SCFD2: variants seen among roughly 807,000 people sequenced by gnomAD.
SCFD2 encodes sec1 family domain-containing protein 2.
A neutral mutation model predicts 58.9 loss-of-function variants in SCFD2; 54 were observed. That is an observed-to-expected ratio of 0.92 (90% CI 0.74 to 1.15). SCFD2 has a LOEUF of 1.15. Ranked by LOEUF, SCFD2 falls within the 50% of genes most tolerant of loss-of-function variation. The pLI is 0.00. For synonymous variants in SCFD2, 321 were observed against 335.9 expected, an observed-to-expected ratio of 0.96 and a Z score of 0.49; for missense variants, 805 against 836.6, an observed-to-expected ratio of 0.96 and a Z score of 0.47.
At chr4:53,178,661 C>T (rs562978548) in intron 4 of SCFD2, among the ~76,000 whole-genome samples, 3 of 152,268 alleles carry the variant, frequency 2.0e-5, no homozygotes, top group South Asian at 2.1e-4. Flanking sequence ...ATGACTTTGA[C>T]GAGTTGAGAG....
intron 5 of SCFD2, among the ~76,000 whole-genome samples, chr4:53,003,938 G>C (rs1415984033): frequency 6.6e-6 from 1 of 152,210 alleles, no homozygotes; most frequent in Admixed American, 6.5e-5. Flanking sequence ...ATTCTCATTA[G>C]GAGGATGTAA....
chr4:52,920,701 T>G, intron 6 of SCFD2, 24 bp downstream of exon 6: 1 of 1,523,378 alleles, frequency 6.6e-7, no homozygotes, highest in Non-Finnish European at 8.9e-7. Flanking sequence ...GATTAGAAGG[T>G]TACTTTAAAA....
intron 2 of SCFD2, among the ~76,000 whole-genome samples, chr4:53,326,572 T>C (rs1733205635): frequency 6.6e-6 from 1 of 152,182 alleles, no homozygotes; most frequent in Non-Finnish European, 1.5e-5. Flanking sequence ...GATATTCCTC[T>C]TAAAATCAGA....
intron 4 of SCFD2, among the ~76,000 whole-genome samples, chr4:53,260,573 G>T (rs1019228153): frequency 6.6e-6 from 1 of 152,128 alleles, no homozygotes; most frequent in Non-Finnish European, 1.5e-5. Context: ...TCCCTGGTAT[G>T]ACACCCAACT....
intron 4 of SCFD2, among the ~76,000 whole-genome samples, chr4:53,249,121 G>A (rs2149035756): frequency 6.6e-6 from 1 of 152,346 alleles, no homozygotes; most frequent in East Asian, 1.9e-4. Flanking sequence ...AGGAGCTGAT[G>A]GAGCTGAAAG....
chr4:53,176,763 A>G (rs1419671853), intron 4 of SCFD2, among the ~76,000 whole-genome samples: 1 of 152,146 alleles, frequency 6.6e-6, no homozygotes, highest in Non-Finnish European at 1.5e-5. Context: ...CAGCCTGCCC[A>G]CATGGTGAAA....
At chr4:53,332,431 G>T (rs1287863372) in intron 2 of SCFD2, among the ~76,000 whole-genome samples, 2 of 151,766 alleles carry the variant, frequency 1.3e-5, no homozygotes, top group Non-Finnish European at 2.9e-5. Flanking sequence ...TGGGATGCAA[G>T]GCTGGTTCAA....
chr4:53,234,153 A>G (rs1265480157), intron 4 of SCFD2, among the ~76,000 whole-genome samples: 1 of 152,216 alleles, frequency 6.6e-6, no homozygotes, highest in African/African-American at 2.4e-5. Context: ...TCCACATTAC[A>G]AAAGAAATTG....
intron 5 of SCFD2, among the ~76,000 whole-genome samples, chr4:53,107,873 G>A (rs1725051447): frequency 1.3e-5 from 2 of 152,176 alleles, no homozygotes; most frequent in Admixed American, 1.3e-4. Flanking sequence ...GGATCAAGTG[G>A]ACCTAACTGA....
At chr4:53,083,923 G>A (rs2148860698) in intron 5 of SCFD2, among the ~76,000 whole-genome samples, 1 of 152,234 alleles carries the variant, frequency 6.6e-6, no homozygotes, top group South Asian at 2.1e-4. Context: ...AGGACAAAGG[G>A]CAAAAGCAGA....
intron 5 of SCFD2, among the ~76,000 whole-genome samples, chr4:53,106,536 T>C (rs1725007993): frequency 6.6e-6 from 1 of 152,140 alleles, no homozygotes; most frequent in Non-Finnish European, 1.5e-5. Flanking sequence ...AATGATCTGA[T>C]GGAGCTGAAA....
intron 3 of SCFD2, among the ~76,000 whole-genome samples, chr4:53,282,177 T>C (rs1382865874): frequency 6.6e-6 from 1 of 152,200 alleles, no homozygotes; most frequent in African/African-American, 2.4e-5. Context: ...TCTTTCTACT[T>C]GCTTCTCAGT....
chr4:52,927,366 A>G (rs1188840356), intron 5 of SCFD2, among the ~76,000 whole-genome samples: 1 of 151,824 alleles, frequency 6.6e-6, no homozygotes, highest in Non-Finnish European at 1.5e-5. Context: ...ATTATTTACC[A>G]TGTAAGATTT....
At chr4:53,224,578 C>T (rs1474790843) in intron 4 of SCFD2, among the ~76,000 whole-genome samples, 2 of 152,098 alleles carry the variant, frequency 1.3e-5, no homozygotes, top group Non-Finnish European at 2.9e-5. Context: ...TGACTGAAGC[C>T]ATCTTGGATC....
chr4:53,236,304 T>C (rs925544579), intron 4 of SCFD2, among the ~76,000 whole-genome samples: 9 of 152,158 alleles, frequency 5.9e-5, no homozygotes, highest in Non-Finnish European at 1.3e-4. Flanking sequence ...TGGCTCTCCT[T>C]GCTCCTCCAC....
intron 5 of SCFD2, among the ~76,000 whole-genome samples, chr4:52,958,734 G>A (rs537518958): frequency 3.9e-5 from 6 of 152,232 alleles, no homozygotes; most frequent in Admixed American, 1.3e-4. Context: ...GAGGACAGGT[G>A]TCTCTGTACA....
chr4:53,092,010 G>A (rs995762105), intron 5 of SCFD2, among the ~76,000 whole-genome samples: 40 of 152,114 alleles, frequency 2.6e-4, no homozygotes, highest in African/African-American at 8.7e-4. Flanking sequence ...TTAGGCAGAT[G>A]TGACAGAAAA....
At chr4:52,912,718 C>G (rs1719515388) in intron 6 of SCFD2, among the ~76,000 whole-genome samples, 1 of 152,146 alleles carries the variant, frequency 6.6e-6, no homozygotes, top group Non-Finnish European at 1.5e-5. Context: ...TAGTTTGGAC[C>G]ATTTTGTGCC....
At chr4:52,953,745 A>G (rs995294887) in intron 5 of SCFD2, among the ~76,000 whole-genome samples, 1 of 152,224 alleles carries the variant, frequency 6.6e-6, no homozygotes, top group Non-Finnish European at 1.5e-5. Flanking sequence ...CTTACATTAG[A>G]GTTTATCCAG....
Sources: allele counts gnomAD v4.1 joint callset (sites outside exome capture counted in the v4.1 genomes callset), GRCh38; gene constraint gnomAD v4.1.1; transcripts MANE v1.5; gene names NCBI Gene and HGNC (gene_info 2026-07-23, HGNC 2026-07-21).